CSMD1: variants seen among roughly 807,000 people sequenced by gnomAD.
CSMD1 encodes CUB and Sushi multiple domains 1.
In CSMD1, 213 loss-of-function variants were observed where a neutral mutation model predicts 417.5. The observed-to-expected ratio is 0.51, with a 90% CI of 0.46 to 0.57. The LOEUF is 0.57. Among genes scored for constraint, CSMD1 ranks in the 20% least tolerant of loss-of-function variants. The probability of loss-of-function intolerance (pLI) is 0.00; values close to 1 mark genes in which losing one functional copy is unlikely to be tolerated. For synonymous variants in CSMD1, 2,862 were observed against 1,736.8 expected (o/e 1.65, Z -16.11); for missense variants, 6,923 against 4,529.7 (o/e 1.53, Z -15.17).
intron 1 of CSMD1, among the ~76,000 whole-genome samples, chr8:4,689,000 G>C (rs76598028): frequency 0.047 from 7,107 of 152,266 alleles, 205 homozygotes; most frequent in East Asian, 0.16. Flanking sequence ...GGAAGTTATA[G>C]AACTAAATTG....
intron 1 of CSMD1, among the ~76,000 whole-genome samples, chr8:4,808,606 C>T (rs558151759): frequency 3.3e-5 from 5 of 152,106 alleles, no homozygotes; most frequent in Middle Eastern, 3.4e-3. Context: ...ATGGTTTCAC[C>T]CAAAAATTAA....
At chr8:4,668,226 T>C (rs180925187) in intron 1 of CSMD1, among the ~76,000 whole-genome samples, 87 of 152,092 alleles carry the variant, frequency 5.7e-4, no homozygotes, top group African/African-American at 1.9e-3. Context: ...ACTTTGATAA[T>C]GGGGCATTCC....
intron 2 of CSMD1, among the ~76,000 whole-genome samples, chr8:4,452,913 G>T (rs988364936): frequency 6.6e-6 from 1 of 152,204 alleles, no homozygotes; most frequent in South Asian, 2.1e-4. Context: ...GATGGGCACA[G>T]TGGTAACAGC....
intron 1 of CSMD1, among the ~76,000 whole-genome samples, chr8:4,724,036 C>G (rs2607554): frequency 0.89 from 135,699 of 152,180 alleles, 60,593 homozygotes; most frequent in East Asian, 0.96. Flanking sequence ...ATATCAATCA[C>G]TGAATGATTC....
intron 1 of CSMD1, among the ~76,000 whole-genome samples, chr8:4,758,507 G>A (rs1471574438): frequency 6.6e-6 from 1 of 152,192 alleles, no homozygotes; most frequent in Non-Finnish European, 1.5e-5. Flanking sequence ...GTGCTGGTCA[G>A]TAGGGCCTTC....
At chr8:3,133,331 C>T (rs1446432809) in intron 41 of CSMD1, among the ~76,000 whole-genome samples, 3 of 152,194 alleles carry the variant, frequency 2.0e-5, no homozygotes, top group African/African-American at 4.8e-5. Flanking sequence ...CACTACCCTC[C>T]GGGGATGCCG....
chr8:3,715,664 T>G (rs946258603), intron 6 of CSMD1, among the ~76,000 whole-genome samples: 2 of 152,154 alleles, frequency 1.3e-5, no homozygotes, highest in Non-Finnish European at 2.9e-5. Context: ...TGCCTTGGCC[T>G]CCTGAGTAGC....
chr8:4,667,094 T>G (rs1159629749), intron 1 of CSMD1, among the ~76,000 whole-genome samples: 1 of 152,190 alleles, frequency 6.6e-6, no homozygotes, highest in East Asian at 1.9e-4. Flanking sequence ...ACAGAATCCT[T>G]TGGTGAAAAG....
rs1801552405 is a variant in CSMD1 at position 2,937,404 on chromosome 8, T to C, written c.*1181A>G. 7.3e-6 allele frequency: 1 copy of C among 136,110 alleles called. No homozygotes were observed. The highest frequency in any genetic ancestry group is 2.8e-5 in the African/African-American group (1 of 35,702). The allele number at this position is 136,110 out of a possible 1,614,324, so 8.4% of individuals were successfully genotyped here. ...GCTACTGTGGTATATTGTCTTTCAATGCAATATCAAAGATCGATGGCACAG... is the reference window on the plus strand; with the variant it reads ...GCTACTGTGGTATATTGTCTTTCAACGCAATATCAAAGATCGATGGCACAG... On this transcript the variant is annotated 3_prime_UTR_variant, in exon 70 of 70. Transcript: ENST00000635120.
intron 5 of CSMD1, among the ~76,000 whole-genome samples, chr8:3,841,770 G>A (rs1803151653): frequency 6.6e-6 from 1 of 151,942 alleles, no homozygotes. Flanking sequence ...AACATCCACA[G>A]ACAATGAAAA....
At chr8:4,296,593 A>G (rs936812921) in intron 3 of CSMD1, among the ~76,000 whole-genome samples, 1 of 137,354 alleles carries the variant, frequency 7.3e-6, no homozygotes, top group Non-Finnish European at 1.6e-5. Flanking sequence ...AGGCAGGTAC[A>G]TTTACTTCAT....
intron 1 of CSMD1, chr8:4,787,210 C>G: frequency 2.1e-6 from 1 of 473,934 alleles, no homozygotes; most frequent in Non-Finnish European, 3.9e-6. Flanking sequence ...GGGGCCCCGC[C>G]AGGGGGCGCG....
intron 3 of CSMD1, among the ~76,000 whole-genome samples, chr8:4,325,762 C>T (rs1265113721): frequency 3.3e-5 from 5 of 151,988 alleles, no homozygotes. Flanking sequence ...CCTGTTGCAC[C>T]CCTCTCCACT....
intron 3 of CSMD1, among the ~76,000 whole-genome samples, chr8:4,312,664 G>C (rs1038890737): frequency 2.6e-5 from 4 of 151,780 alleles, no homozygotes; most frequent in African/African-American, 4.9e-5. Context: ...ATCACCTGAG[G>C]TCAGGAGTTT....
intron 3 of CSMD1, among the ~76,000 whole-genome samples, chr8:4,308,352 G>T (rs980524476): frequency 6.6e-6 from 1 of 151,948 alleles, no homozygotes; most frequent in Non-Finnish European, 1.5e-5. Context: ...TGGTGCGTGT[G>T]CACTGTGTGT....
chr8:3,838,398 C>A (rs1050774435), intron 5 of CSMD1, among the ~76,000 whole-genome samples: 1 of 149,208 alleles, frequency 6.7e-6, no homozygotes, highest in Non-Finnish European at 1.5e-5. Flanking sequence ...TATATATAGC[C>A]TATATATATA....
rs991323313 is a variant in CSMD1 at position 3,309,088 on chromosome 8, C to G, written c.3632-585G>C. On this transcript the variant is annotated intron_variant, in intron 23 of 69. Coordinates refer to ENST00000635120, the MANE Select transcript of CSMD1 (RefSeq NM_033225.6). ...GTCAGTCCAAGCCTCCAGTCTGCACCCTGGATTCTCTGGTGAGCCCCAATG... is the reference window on the plus strand; with the variant it reads ...GTCAGTCCAAGCCTCCAGTCTGCACGCTGGATTCTCTGGTGAGCCCCAATG... Among the ~76,000 whole-genome samples the G allele has an allele frequency of 2.6e-5, 4 of 152,026 alleles. No individual in the cohort carries two copies. The South Asian group carries it at 6.2e-4, about 24-fold the overall frequency.
intron 26 of CSMD1, among the ~76,000 whole-genome samples, chr8:3,245,471 T>G (rs993790609): frequency 3.9e-5 from 6 of 152,230 alleles, no homozygotes; most frequent in South Asian, 2.1e-4. Context: ...TCCTTTGAAA[T>G]GTATGTGGAT....
At chr8:3,100,222 T>C (rs1585347491) in intron 46 of CSMD1, among the ~76,000 whole-genome samples, 1 of 152,136 alleles carries the variant, frequency 6.6e-6, no homozygotes, top group African/African-American at 2.4e-5. Flanking sequence ...TGGCTAATTT[T>C]TGTATTTTTA....
Sources: gnomAD v4.1 joint callset for allele counts (sites outside exome capture counted in the v4.1 genomes callset) on GRCh38, gnomAD v4.1.1 for gene constraint, MANE v1.5 for transcripts, NCBI Gene and HGNC (gene_info 2026-07-23, HGNC 2026-07-21) for gene names.